Variants in TUSC3 observed in about 807,000 individuals in gnomAD.
TUSC3 encodes the protein dolichyl-diphosphooligosaccharide--protein glycosyltransferase subunit TUSC3.
In TUSC3, 45 loss-of-function variants were observed where a neutral mutation model predicts 44.8. The ratio of observed to expected loss-of-function variants is 1.00; its 90% CI spans 0.79 to 1.29. TUSC3 has a LOEUF of 1.29. Among genes scored for constraint, TUSC3 ranks in the 50% most tolerant of loss-of-function variants. The probability of loss-of-function intolerance (pLI) is 0.00; values close to 1 mark genes in which losing one functional copy is unlikely to be tolerated. For synonymous variants in TUSC3, 212 were observed against 152.9 expected (o/e 1.39, Z -2.85); for missense variants, 519 against 437.9 (o/e 1.19, Z -1.65).
chr8:15,828,501 G>C, the TUSC3 span, among the ~76,000 whole-genome samples: 1 of 152,188 alleles, frequency 6.6e-6, no homozygotes, highest in Non-Finnish European at 1.5e-5. Context: ...TCTAGTAGTT[G>C]AAGTGTGCTA....
chr8:15,475,436 C>G (rs1248648864), intron 1 of TUSC3, among the ~76,000 whole-genome samples: 2 of 152,114 alleles, frequency 1.3e-5, no homozygotes, highest in Non-Finnish European at 2.9e-5. Flanking sequence ...CTAATTATTA[C>G]CAGTATTATT....
chr8:15,761,056 A>G (rs555049434), intron 10 of TUSC3, among the ~76,000 whole-genome samples: 250 of 152,282 alleles, frequency 1.6e-3, no homozygotes, highest in African/African-American at 5.8e-3. Context: ...ACATGCTTCT[A>G]TGCACAGAAT....
At chr8:15,504,464 G>C (rs530812050) in intron 2 of TUSC3, among the ~76,000 whole-genome samples, 5 of 150,870 alleles carry the variant, frequency 3.3e-5, no homozygotes, top group African/African-American at 1.2e-4. Flanking sequence ...ATTAACATCA[G>C]TTCATTAAGA....
intron 6 of TUSC3, among the ~76,000 whole-genome samples, chr8:15,687,751 G>C (rs1180896955): frequency 6.6e-6 from 1 of 152,154 alleles, no homozygotes; most frequent in Non-Finnish European, 1.5e-5. Context: ...ACACGTGGCA[G>C]ATACTAAATA....
At chr8:15,539,899 A>G (rs1335183605), upstream of TUSC3, among the ~76,000 whole-genome samples, 1 of 152,044 alleles carries the variant, frequency 6.6e-6, no homozygotes, top group Non-Finnish European at 1.5e-5. Context: ...AGGGCTCTGA[A>G]GGAGAAGAGC....
intron 5 of TUSC3, among the ~76,000 whole-genome samples, chr8:15,672,236 A>G (rs1001739469): frequency 6.6e-6 from 1 of 152,040 alleles, no homozygotes; most frequent in Admixed American, 6.6e-5. Flanking sequence ...AATAATATTT[A>G]TTGAGCTTGT....
intron 1 of TUSC3, among the ~76,000 whole-genome samples, chr8:15,591,789 G>A (rs1803850777): frequency 6.6e-6 from 1 of 152,152 alleles, no homozygotes; most frequent in Non-Finnish European, 1.5e-5. Flanking sequence ...TAAGATTGGA[G>A]TGGTAGGCAG....
At chr8:15,750,173 G>A (rs1487933886) in intron 9 of TUSC3, among the ~76,000 whole-genome samples, 1 of 151,716 alleles carries the variant, frequency 6.6e-6, no homozygotes, top group African/African-American at 2.4e-5. Flanking sequence ...TAGACGCAGA[G>A]TTTCACTGTG....
chr8:15,655,127 G>A (rs747387712), intron 3 of TUSC3, among the ~76,000 whole-genome samples: 15 of 152,170 alleles, frequency 9.9e-5, no homozygotes, highest in Non-Finnish European at 2.1e-4. Flanking sequence ...ATCATGTGAT[G>A]ATCAGGTGGT....
At chr8:15,706,581 A>G (rs953989668) in intron 6 of TUSC3, among the ~76,000 whole-genome samples, 3 of 152,076 alleles carry the variant, frequency 2.0e-5, no homozygotes, top group Non-Finnish European at 4.4e-5. Flanking sequence ...CTGAAATTCT[A>G]TTTGCAGGAG....
chr8:15,618,300 A>T (rs1194545596), intron 1 of TUSC3, among the ~76,000 whole-genome samples: 1 of 152,058 alleles, frequency 6.6e-6, no homozygotes, highest in Admixed American at 6.6e-5. Flanking sequence ...AAAGTTTTTA[A>T]TTTTTTTTAA....
At chr8:15,604,438 A>G (rs1804432342) in intron 1 of TUSC3, among the ~76,000 whole-genome samples, 1 of 151,676 alleles carries the variant, frequency 6.6e-6, no homozygotes, top group Non-Finnish European at 1.5e-5. Context: ...TTGTTTTATT[A>G]TTATTTGTGC....
chr8:15,589,435 T>C (rs1178411932), intron 1 of TUSC3, among the ~76,000 whole-genome samples: 2 of 152,204 alleles, frequency 1.3e-5, no homozygotes, highest in Admixed American at 1.3e-4. Flanking sequence ...TTTGGTAAAT[T>C]GATCAATTCG....
chr8:15,784,256 A>G, the TUSC3 span, among the ~76,000 whole-genome samples: 2 of 152,190 alleles, frequency 1.3e-5, no homozygotes, highest in Non-Finnish European at 2.9e-5. Flanking sequence ...GAGAATGTAC[A>G]TCAGTACAGC....
At chr8:15,731,303 T>G (rs1377492863) in intron 7 of TUSC3, among the ~76,000 whole-genome samples, 1 of 152,150 alleles carries the variant, frequency 6.6e-6, no homozygotes, top group Non-Finnish European at 1.5e-5. Flanking sequence ...GTTAAGCATC[T>G]AATGTGAATA....
At chr8:15,486,466 A>G (rs530848981) in intron 2 of TUSC3, among the ~76,000 whole-genome samples, 1 of 152,126 alleles carries the variant, frequency 6.6e-6, no homozygotes, top group African/African-American at 2.4e-5. Flanking sequence ...TTCTTTTTCC[A>G]TGGAGTCTTG....
intron 1 of TUSC3, among the ~76,000 whole-genome samples, chr8:15,598,444 C>A (rs942566771): frequency 2.6e-5 from 4 of 151,846 alleles, no homozygotes; most frequent in Non-Finnish European, 5.9e-5. Context: ...TGTTAAAATT[C>A]ATGAACCTAC....
intron 1 of TUSC3, among the ~76,000 whole-genome samples, chr8:15,449,633 C>T (rs1181010958): frequency 6.6e-6 from 1 of 152,168 alleles, no homozygotes. Context: ...AATGAGGCGT[C>T]TTACCTCCCA....
At chr8:15,577,721 G>A (rs1363295315) in intron 1 of TUSC3, among the ~76,000 whole-genome samples, 1 of 137,604 alleles carries the variant, frequency 7.3e-6, no homozygotes, top group Non-Finnish European at 1.6e-5. Flanking sequence ...CTGTAGCCTT[G>A]TAGTATAGTT....
Sources: allele counts gnomAD v4.1 joint callset (sites outside exome capture counted in the v4.1 genomes callset), GRCh38; gene constraint gnomAD v4.1.1; transcripts MANE v1.5; gene names NCBI Gene and HGNC (gene_info 2026-07-23, HGNC 2026-07-21).